The following RIMS2 variants were observed in gnomAD, a reference collection of about 807,000 sequenced individuals.
RIMS2 encodes regulating synaptic membrane exocytosis 2.
In RIMS2, 59 loss-of-function variants were observed where a neutral mutation model predicts 174.4. The ratio of observed to expected loss-of-function variants is 0.34; its 90% CI spans 0.27 to 0.42. The LOEUF is 0.42. Among genes scored for constraint, RIMS2 ranks in the 10% least tolerant of loss-of-function variants. RIMS2 has a pLI of 1.00. For synonymous variants in RIMS2, 606 were observed against 572.5 expected (o/e 1.06, Z -0.84); for missense variants, 1,620 against 1,666.3 (o/e 0.97, Z 0.48).
chr8:103,865,371 G>A (rs1013081344), intron 3 of RIMS2, among the ~76,000 whole-genome samples: 2 of 138,924 alleles, frequency 1.4e-5, no homozygotes, highest in African/African-American at 5.4e-5. Flanking sequence ...TGCAACCTCC[G>A]CCTCCTGGGT....
rs541696498 is a variant in RIMS2, at chr8:103,918,417, T to G, written c.2037-24T>G. ...TAATTGTTGAAACAGTTTCTGTCTT[T>G]CTTTTTTTTTTTAATCATTTCAGAG... On this transcript the variant is annotated intron_variant, in intron 8 of 23. Coordinates refer to ENST00000504942, the Ensembl canonical transcript of RIMS2. The G allele has an allele frequency of 5.8e-5, 71 of 1,219,772 alleles. No individual in the cohort carries two copies. The African/African-American group carries it at 1.6e-3, about 28-fold the overall frequency. The allele number at this position is 1,219,772 out of a possible 1,614,324, so 75.6% of individuals were successfully genotyped here. A position where few individuals can be genotyped will look rare whatever the true frequency, so the allele number is the denominator to read the frequency against.
intron 1 of RIMS2, among the ~76,000 whole-genome samples, chr8:103,565,409 A>T (rs2092229076): frequency 6.6e-6 from 1 of 151,906 alleles, no homozygotes; most frequent in African/African-American, 2.4e-5. Context: ...GGATCAGGTG[A>T]TCCTTCTACC....
chr8:103,585,985 TAAAAC>T (rs2093898217), intron 1 of RIMS2, among the ~76,000 whole-genome samples: 1 of 148,234 alleles, frequency 6.7e-6, no homozygotes, highest in South Asian at 2.1e-4. Flanking sequence ...ACTAAAATGA[TAAAAC>T]AAGACAAAGA....
At chr8:103,696,068 T>G (rs1355370883) in intron 1 of RIMS2, among the ~76,000 whole-genome samples, 1 of 152,206 alleles carries the variant, frequency 6.6e-6, no homozygotes, top group Non-Finnish European at 1.5e-5. Flanking sequence ...ATTTCCATTT[T>G]TTTTCTGTGA....
chr8:104,226,952 CAAT>C (rs2099191390), intron 19 of RIMS2, among the ~76,000 whole-genome samples: 2 of 152,184 alleles, frequency 1.3e-5, no homozygotes, highest in Admixed American at 6.5e-5. Context: ...AAACCAAGAA[CAAT>C]AATAAAAGTT....
chr8:104,029,773 C>T (rs892135633), intron 19 of RIMS2, among the ~76,000 whole-genome samples: 1 of 152,028 alleles, frequency 6.6e-6, no homozygotes, highest in Non-Finnish European at 1.5e-5. Flanking sequence ...TATGAAATGG[C>T]AAAAGGTGAA....
intron 19 of RIMS2, among the ~76,000 whole-genome samples, chr8:104,233,860 T>C (rs2099244625): frequency 6.6e-6 from 1 of 152,194 alleles, no homozygotes; most frequent in African/African-American, 2.4e-5. Context: ...GTATTTTAGT[T>C]TCTAGCCTCT....
At chr8:103,750,911 G>A (rs1012800723) in intron 2 of RIMS2, among the ~76,000 whole-genome samples, 14 of 152,106 alleles carry the variant, frequency 9.2e-5, no homozygotes, top group African/African-American at 3.4e-4. Flanking sequence ...GAATTCCCAC[G>A]TGTTGTGGGA....
At chr8:104,135,529 C>T (rs2098511246) in intron 19 of RIMS2, among the ~76,000 whole-genome samples, 1 of 148,336 alleles carries the variant, frequency 6.7e-6, no homozygotes, top group African/African-American at 2.5e-5. Context: ...TCACTTGAGC[C>T]CAAGAGGTCA....
intron 1 of RIMS2, among the ~76,000 whole-genome samples, chr8:103,608,311 G>A (rs1365021623): frequency 2.1e-5 from 3 of 143,106 alleles, no homozygotes; most frequent in African/African-American, 2.7e-5. Flanking sequence ...TAGGCTGCTC[G>A]GGGGTCAGGG....
At chr8:104,112,405 C>A in intron 19 of RIMS2, among the ~76,000 whole-genome samples, 1 of 152,002 alleles carries the variant, frequency 6.6e-6, no homozygotes, top group Non-Finnish European at 1.5e-5. Context: ...TTATGTATAA[C>A]ATATGGCATT....
chr8:103,884,099 C>T (rs1378598137), intron 3 of RIMS2, among the ~76,000 whole-genome samples: 1 of 151,828 alleles, frequency 6.6e-6, no homozygotes, highest in Non-Finnish European at 1.5e-5. Context: ...GGTAGATTGG[C>T]AGACTGTGTT....
chr8:103,748,955 G>A (rs2097853051), intron 2 of RIMS2, among the ~76,000 whole-genome samples: 3 of 151,258 alleles, frequency 2.0e-5, no homozygotes, highest in African/African-American at 7.3e-5. Flanking sequence ...CATGCACTAC[G>A]AAGCCCAGCT....
intron 2 of RIMS2, among the ~76,000 whole-genome samples, chr8:103,745,436 T>C (rs1214605120): frequency 1.3e-5 from 2 of 152,230 alleles, no homozygotes; most frequent in Non-Finnish European, 2.9e-5. Flanking sequence ...GCACATTCAT[T>C]TGCAAGTTGT....
chr8:103,747,945 TG>T (rs2097842719), intron 2 of RIMS2, among the ~76,000 whole-genome samples: 1 of 152,166 alleles, frequency 6.6e-6, no homozygotes, highest in South Asian at 2.1e-4. Context: ...AAATCCTCCT[TG>T]GGTGGGCAAA....
intron 1 of RIMS2, among the ~76,000 whole-genome samples, chr8:103,511,831 CCTT>C (rs1325134132): frequency 1.3e-5 from 2 of 152,288 alleles, no homozygotes; most frequent in East Asian, 3.9e-4. Context: ...CAAGGAGCAG[CCTT>C]CTTCTAGGGG....
intron 3 of RIMS2, among the ~76,000 whole-genome samples, chr8:103,800,049 C>A (rs1383860921): frequency 6.6e-6 from 1 of 152,118 alleles, no homozygotes; most frequent in African/African-American, 2.4e-5. Context: ...TTTATTTCCC[C>A]ATATGGTGAG....
intron 3 of RIMS2, among the ~76,000 whole-genome samples, chr8:103,824,636 G>A (rs1270859776): frequency 3.3e-5 from 5 of 152,108 alleles, no homozygotes; most frequent in Admixed American, 3.3e-4. Context: ...CGCTTTCAAG[G>A]TCTAACTCAA....
At chr8:103,771,343 G>C (rs1294717942) in intron 3 of RIMS2, among the ~76,000 whole-genome samples, 7 of 152,014 alleles carry the variant, frequency 4.6e-5, no homozygotes, top group Non-Finnish European at 7.4e-5. Context: ...AAGTAAAACT[G>C]TTTAAAAACA....
Sources: allele counts gnomAD v4.1 joint callset (sites outside exome capture counted in the v4.1 genomes callset), GRCh38; gene constraint gnomAD v4.1.1; transcripts MANE v1.5; gene names NCBI Gene and HGNC (gene_info 2026-07-23, HGNC 2026-07-21).